Variants in ARHGAP27 observed in about 807,000 individuals in gnomAD.
The protein encoded by ARHGAP27 is rho GTPase-activating protein 27.
A neutral mutation model predicts 102.0 loss-of-function variants in ARHGAP27; 53 were observed. The observed-to-expected ratio is 0.52, with a 90% confidence interval of 0.42 to 0.65. ARHGAP27 has a LOEUF of 0.65. Ranked by LOEUF, ARHGAP27 falls within the 30% of genes least tolerant of loss-of-function variation. ARHGAP27 has a pLI of 0.00. For missense variants in ARHGAP27, 1,117 were observed against 1,256.2 expected, an observed-to-expected ratio of 0.89 and a Z score of 1.68; for synonymous variants, 525 against 542.8, an observed-to-expected ratio of 0.97 and a Z score of 0.46.
chr17:45,397,042 C>G lies in ARHGAP27; in HGVS notation c.1843-18G>C, dbSNP rs1352347914. On this transcript the variant is annotated intron_variant, in intron 13 of 19. Coordinates refer to ENST00000685559, the MANE Select transcript of ARHGAP27 (RefSeq NM_001282290.2). ...TCTGCGGACTGGATTCCCATAGCCT[C>G]AGAGAGGCGGGGCCTTGAGCCAGCT... 1.2e-6 allele frequency: 2 copies of G among 1,600,950 alleles called. No individual in the cohort carries two copies. Among genetic ancestry groups the G allele is most frequent in the Non-Finnish European group, 1.7e-6 (2 of 1,179,688 alleles).
At chr17:45,417,027 C>T (rs1198031367) in intron 4 of ARHGAP27, among the ~76,000 whole-genome samples, 23 of 149,598 alleles carry the variant, frequency 1.5e-4, no homozygotes, top group African/African-American at 5.2e-4. Flanking sequence ...CATGGTGGCC[C>T]ATGCTTGTAA....
At position 45,429,641 on chromosome 17, in the gene ARHGAP27, C is replaced by T. The variant is rs759223677; in HGVS notation, c.639G>A (p.Pro213=). ...EVIQDLHVPP[P]EESAEQVDDP... is the part of the protein sequence containing the mutation. ...GAGGTACCTGCTCTGCGCTCTCCTCCGGCGGCGGGACGTGCAAGTCCTGGA... is the reference window on the plus strand; with the variant it reads ...GAGGTACCTGCTCTGCGCTCTCCTCTGGCGGCGGGACGTGCAAGTCCTGGA... The change falls in exon 4 of 20, where the codon CCG becomes CCA. Residue 213 remains proline (P), a synonymous_variant. Transcript: ENST00000685559. 1.9e-6 allele frequency: 3 copies of T among 1,583,714 alleles called. No individual in the cohort carries two copies. Among genetic ancestry groups the T allele is most frequent in the Admixed American group, 1.8e-5 (1 of 56,930 alleles).
At chr17:45,426,529 C>A (rs2049615326) in intron 4 of ARHGAP27, among the ~76,000 whole-genome samples, 2 of 152,092 alleles carry the variant, frequency 1.3e-5, no homozygotes, top group Non-Finnish European at 2.9e-5. Context: ...CTGCCCTAAG[C>A]CCTGAGCTGC....
chr17:45,426,031 A>G (rs2049564368), intron 4 of ARHGAP27, among the ~76,000 whole-genome samples: 2 of 152,180 alleles, frequency 1.3e-5, no homozygotes, highest in Non-Finnish European at 2.9e-5. Flanking sequence ...CTGGGCACGC[A>G]GGACGCTCAG....
At chr17:45,397,878 C>G (rs11653604) in intron 13 of ARHGAP27, 71 bp downstream of exon 13, 7 of 1,371,010 alleles carry the variant, frequency 5.1e-6, no homozygotes, top group Non-Finnish European at 7.1e-6. Context: ...CTCCCTGAGC[C>G]TGAGCAGAGG....
chr17:45,425,388 TTCTC>T (rs1246441223), intron 4 of ARHGAP27, among the ~76,000 whole-genome samples: 2 of 152,100 alleles, frequency 1.3e-5, no homozygotes, highest in African/African-American at 4.8e-5. Flanking sequence ...GCCAGTTCCT[TTCTC>T]TCAGTCACAG....
Position 45,403,599 on chromosome 17 carries a change from C to T in ARHGAP27, c.1638+20G>A. 1 of 1,590,788 alleles carries T rather than the reference C, an allele frequency of 6.3e-7. No individual in the cohort carries two copies. The highest frequency in any genetic ancestry group is 1.4e-5 in the African/African-American group (1 of 74,038). The stretch of plus-strand genomic sequence containing the variant: ...AAAAAAGCAGATGGGATGGTCCCTG[C>T]CCTGAGGGCCTGGCCTTACCAGGCC... On this transcript the variant is annotated intron_variant, in intron 11 of 19. Coordinates refer to ENST00000685559, the MANE Select transcript of ARHGAP27 (RefSeq NM_001282290.2).
intron 4 of ARHGAP27, among the ~76,000 whole-genome samples, chr17:45,417,448 A>G (rs2048578798): frequency 6.6e-6 from 1 of 151,270 alleles, no homozygotes; most frequent in Non-Finnish European, 1.5e-5. Context: ...TGGGCGACAG[A>G]GCAAGACTCA....
rs2045467106 is a variant in ARHGAP27, at chr17:45,395,382, G to C, written c.*74C>G. ...GGCGGAGGGTCCCAGAGAGAAGAAG[G>C]CCCGGCTGCGTGGCCTCCGCCGCCC... On this transcript the variant is annotated 3_prime_UTR_variant, in exon 20 of 20. Transcript: ENST00000685559. 2 of 1,479,506 alleles carry C rather than the reference G, an allele frequency of 1.4e-6. No homozygotes were observed. The highest frequency in any genetic ancestry group is 1.4e-5 in the African/African-American group (1 of 71,450). 91.6% of individuals were successfully genotyped at this position (1,479,506 alleles called of 1,614,324 possible).
rs1210209249 is a variant in ARHGAP27, at chr17:45,402,792, A to G, written c.1665T>C (p.Pro555=). The change falls in exon 12 of 20, where the codon CCT becomes CCC. Residue 555 remains proline (P), a synonymous_variant. Coordinates refer to ENST00000685559, the MANE Select transcript of ARHGAP27 (RefSeq NM_001282290.2). ...GLRQPSKFST[P]EYTVELRGAT... The stretch of plus-strand genomic sequence containing the variant: ...CCCCCCTCAGCTCCACTGTGTACTC[A>G]GGGGTGGAAAACTTGGAAGGCTGCC... The G allele has an allele frequency of 1.2e-6, 2 of 1,613,426 alleles. No individual in the cohort carries two copies. Among genetic ancestry groups the G allele is most frequent in the African/African-American group, 2.7e-5 (2 of 74,956 alleles).
chr17:45,409,851 G>A (rs36078910), intron 4 of ARHGAP27: 26,980 of 199,302 alleles, frequency 0.14, 2,273 homozygotes, highest in Middle Eastern at 0.21. Flanking sequence ...CAGCTCATAA[G>A]CAGGGGCCTG....
At chr17:45,421,377 GA>G (rs1277246472) in intron 4 of ARHGAP27, among the ~76,000 whole-genome samples, 5 of 151,184 alleles carry the variant, frequency 3.3e-5, no homozygotes, top group Non-Finnish European at 5.9e-5. Context: ...AGCTTCTCAG[GA>G]GACTGAGGTG....
chr17:45,397,146 C>G, intron 13 of ARHGAP27, 122 bp from the exon 14 acceptor site: 1 of 1,477,900 alleles, frequency 6.8e-7, no homozygotes, highest in Non-Finnish European at 8.9e-7. Flanking sequence ...AGCGAAGAGT[C>G]CTCTCTTCCC....
intron 4 of ARHGAP27, among the ~76,000 whole-genome samples, chr17:45,422,609 T>C (rs1193071464): frequency 6.6e-6 from 1 of 152,096 alleles, no homozygotes; most frequent in Admixed American, 6.5e-5. Flanking sequence ...CACCACGTAA[T>C]GATAGAAAAG....
At chr17:45,413,521 A>T (rs2048129715) in intron 4 of ARHGAP27, among the ~76,000 whole-genome samples, 5 of 152,178 alleles carry the variant, frequency 3.3e-5, no homozygotes, top group African/African-American at 1.2e-4. Context: ...ACTCCGTCAC[A>T]GGGCTGGTTC....
chr17:45,406,248 T>C (rs2047155346), intron 4 of ARHGAP27, among the ~76,000 whole-genome samples, 165 bp from the exon 5 acceptor site: 2 of 152,252 alleles, frequency 1.3e-5, no homozygotes, highest in Non-Finnish European at 2.9e-5. Context: ...ATTTTAAAAA[T>C]CACGTAAGTT....
chr17:45,401,947 C>T (rs745580966), intron 12 of ARHGAP27, among the ~76,000 whole-genome samples: 65 of 152,312 alleles, frequency 4.3e-4, no homozygotes, highest in Non-Finnish European at 6.9e-4. Context: ...CAGTTCACCA[C>T]GTGTGTTTCT....
chr17:45,430,062 G>C lies in ARHGAP27; in HGVS notation c.218C>G (p.Pro73Arg). 1 of 1,317,368 alleles carries C rather than the reference G, an allele frequency of 7.6e-7. No homozygotes were observed. Among genetic ancestry groups the C allele is most frequent in the Non-Finnish European group, 9.6e-7 (1 of 1,038,520 alleles). The allele number at this position is 1,317,368 out of a possible 1,614,324, so 81.6% of individuals were successfully genotyped here. A position where few individuals can be genotyped will look rare whatever the true frequency, so the allele number is the denominator to read the frequency against. ...GGGACCTGGCGGCGCGGCGGCGGCA[G>C]GGTTGCCCAGCGCGGGCAGCTCGCG... ...YVRELPALGN[P>R]AAAAPPGPHP... Residue 73 changes from proline to arginine, a missense_variant, in exon 4 of 20, where the codon CCT (proline) becomes CGT (arginine). Around this residue, in one of 3 missense-constraint regions of ARHGAP27, gnomAD observed 610 missense variants for 716.4 expected, o/e 0.85. Coordinates refer to ENST00000685559, the MANE Select transcript of ARHGAP27 (RefSeq NM_001282290.2). This position sits in a 1 kb window ranked among gnomAD's most constrained non-coding sequence, Gnocchi z 4.4.
At chr17:45,419,518 A>ATG (rs1567727456) in intron 4 of ARHGAP27, among the ~76,000 whole-genome samples, 236 of 10,430 alleles carry the variant, frequency 0.023, 1 homozygote, top group Middle Eastern at 0.045. Flanking sequence ...GTATGTATAT[A>ATG]TATATATATA....
Sources: gnomAD v4.1 joint callset for allele counts (sites outside exome capture counted in the v4.1 genomes callset) on GRCh38, gnomAD v4.1.1 for gene constraint, gnomAD v4.1.1 regional missense constraint, Gnocchi (gnomAD v3.1) non-coding constraint, MANE v1.5 for transcripts, NCBI Gene and HGNC (gene_info 2026-07-23, HGNC 2026-07-21) for gene names.